Variants in NKAIN2 observed in about 807,000 individuals in gnomAD.
NKAIN2 encodes the protein sodium/potassium-transporting ATPase subunit beta-1-interacting protein 2.
Under a neutral mutation model 32.6 loss-of-function variants are expected in NKAIN2, and 14 were observed. That is an observed-to-expected ratio of 0.43 (90% CI 0.28 to 0.67). The LOEUF is 0.67. Ranked by LOEUF, NKAIN2 falls within the 30% of genes least tolerant of loss-of-function variation. NKAIN2 has a pLI of 0.17. For missense variants in NKAIN2, 198 were observed against 258.3 expected (o/e 0.77, Z 1.60); for synonymous variants, 80 against 87.2 (o/e 0.92, Z 0.46).
intron 2 of NKAIN2, among the ~76,000 whole-genome samples, chr6:124,317,126 T>TA (rs144905995): frequency 6.6e-6 from 1 of 150,402 alleles, no homozygotes; most frequent in African/African-American, 2.5e-5. Context: ...AACATCTCTT[T>TA]AAAAAATAAA....
intron 3 of NKAIN2, among the ~76,000 whole-genome samples, chr6:124,424,883 C>T (rs970627572): frequency 6.6e-6 from 1 of 152,122 alleles, no homozygotes; most frequent in African/African-American, 2.4e-5. Context: ...ATACAGATAA[C>T]TCTTCAAGAT....
intron 3 of NKAIN2, among the ~76,000 whole-genome samples, chr6:124,614,802 A>C (rs919016901): frequency 6.6e-6 from 1 of 152,158 alleles, no homozygotes; most frequent in Non-Finnish European, 1.5e-5. Flanking sequence ...AGAACCTCAC[A>C]TATAGCGTGT....
intron 1 of NKAIN2, among the ~76,000 whole-genome samples, chr6:123,924,001 CAT>C (rs1327928298): frequency 4.0e-5 from 6 of 151,104 alleles, no homozygotes; most frequent in African/African-American, 9.7e-5. Flanking sequence ...AAGCAGGTAA[CAT>C]GTTGAATTTC....
intron 1 of NKAIN2, among the ~76,000 whole-genome samples, chr6:124,257,391 C>T (rs1044229631): frequency 6.6e-6 from 1 of 152,186 alleles, no homozygotes; most frequent in Non-Finnish European, 1.5e-5. Context: ...CTCTTAGGAG[C>T]TCAGAGTATG....
chr6:124,354,079 C>T (rs1055876552), intron 2 of NKAIN2, among the ~76,000 whole-genome samples: 2 of 152,152 alleles, frequency 1.3e-5, no homozygotes, highest in African/African-American at 2.4e-5. Context: ...CTTCCAACCC[C>T]GCATGCTTTT....
intron 2 of NKAIN2, among the ~76,000 whole-genome samples, chr6:124,294,847 T>C (rs1795980511): frequency 6.6e-6 from 1 of 152,174 alleles, no homozygotes; most frequent in African/African-American, 2.4e-5. Context: ...GCTAAACTTC[T>C]GTTTGACTAG....
intron 3 of NKAIN2, among the ~76,000 whole-genome samples, chr6:124,438,875 G>A (rs1775571694): frequency 6.6e-6 from 1 of 152,066 alleles, no homozygotes; most frequent in Admixed American, 6.6e-5. Context: ...TTTCTCCAGT[G>A]TATCCTTTTA....
intron 2 of NKAIN2, among the ~76,000 whole-genome samples, chr6:124,320,126 T>C (rs928455536): frequency 6.6e-6 from 1 of 152,188 alleles, no homozygotes; most frequent in Non-Finnish European, 1.5e-5. Context: ...GGAAGGCTAC[T>C]GCTCTTTTAA....
At chr6:124,348,127 G>A (rs1798527691) in intron 2 of NKAIN2, among the ~76,000 whole-genome samples, 1 of 152,204 alleles carries the variant, frequency 6.6e-6, no homozygotes, top group African/African-American at 2.4e-5. Context: ...ATAGTTAGCA[G>A]CAGCATTGTC....
At position 124,768,413 on chromosome 6, in the gene NKAIN2, T is replaced by C. The variant is rs181733179; in HGVS notation, c.475-22926T>C. Among the ~76,000 whole-genome samples the C allele has an allele frequency of 1.4e-3, 213 of 152,314 alleles. 2 individuals are homozygous for C. The South Asian group carries it at 0.017, about 12-fold the overall frequency. Reference sequence around the variant, plus strand: ...GCCATCTCAGCTAAGTTCTTACCTCTACAGCAAAACATCAATCTAATCTGT... The same window carrying C: ...GCCATCTCAGCTAAGTTCTTACCTCCACAGCAAAACATCAATCTAATCTGT... On this transcript the variant is annotated intron_variant, in intron 4 of 6. Transcript: ENST00000368417.
chr6:123,828,175 T>G (rs1774228941), intron 1 of NKAIN2, among the ~76,000 whole-genome samples: 1 of 152,124 alleles, frequency 6.6e-6, no homozygotes, highest in Non-Finnish European at 1.5e-5. Flanking sequence ...GTCCTTAGGC[T>G]TATCATGATT....
At chr6:124,481,559 GT>G (rs1244282446) in intron 3 of NKAIN2, among the ~76,000 whole-genome samples, 1 of 151,982 alleles carries the variant, frequency 6.6e-6, no homozygotes, top group African/African-American at 2.4e-5. Context: ...TCTTAATTCT[GT>G]TTTTCAAATC....
At chr6:124,149,827 G>A (rs961879029) in intron 1 of NKAIN2, among the ~76,000 whole-genome samples, 1 of 152,148 alleles carries the variant, frequency 6.6e-6, no homozygotes, top group Non-Finnish European at 1.5e-5. Context: ...AGAGCAGTTA[G>A]GTGACTGCCT....
chr6:124,079,493 T>C (rs555800355), intron 1 of NKAIN2, among the ~76,000 whole-genome samples: 1 of 150,544 alleles, frequency 6.6e-6, no homozygotes, highest in South Asian at 2.1e-4. Flanking sequence ...CATTTGTTTC[T>C]CCTGGGTATC....
At chr6:124,580,739 C>T (rs1027509843) in intron 3 of NKAIN2, among the ~76,000 whole-genome samples, 6 of 152,012 alleles carry the variant, frequency 3.9e-5, no homozygotes, top group African/African-American at 1.5e-4. Flanking sequence ...AAAAACAAGA[C>T]GCAGTGGTTT....
chr6:124,344,303 T>A (rs1225234602), intron 2 of NKAIN2, among the ~76,000 whole-genome samples: 1 of 152,124 alleles, frequency 6.6e-6, no homozygotes, highest in Admixed American at 6.5e-5. Context: ...TAGGATTCAC[T>A]TGGTGATGCG....
chr6:124,300,203 T>A (rs1468602630), intron 2 of NKAIN2, among the ~76,000 whole-genome samples: 1 of 152,178 alleles, frequency 6.6e-6, no homozygotes, highest in African/African-American at 2.4e-5. Context: ...GATAATTGAA[T>A]CATGGAGGTC....
At chr6:123,932,388 T>C (rs1776288829) in intron 1 of NKAIN2, among the ~76,000 whole-genome samples, 1 of 149,602 alleles carries the variant, frequency 6.7e-6, no homozygotes, top group Admixed American at 6.7e-5. Flanking sequence ...GTAGAGAAGT[T>C]TGGCCTTTTC....
intron 3 of NKAIN2, among the ~76,000 whole-genome samples, chr6:124,528,613 A>T (rs1188538223): frequency 6.6e-6 from 1 of 152,242 alleles, no homozygotes; most frequent in Non-Finnish European, 1.5e-5. Flanking sequence ...TTTTCTTCAG[A>T]ATCAGTGCTT....
Sources: allele counts gnomAD v4.1 joint callset (sites outside exome capture counted in the v4.1 genomes callset), GRCh38; gene constraint gnomAD v4.1.1; transcripts MANE v1.5; gene names NCBI Gene and HGNC (gene_info 2026-07-23, HGNC 2026-07-21).